EDNRA: variants seen among roughly 807,000 people sequenced by gnomAD.
EDNRA encodes endothelin-1 receptor.
In EDNRA, 11 loss-of-function variants were observed where a neutral mutation model predicts 41.4. The observed-to-expected ratio is 0.27, with a 90% CI of 0.17 to 0.44. The LOEUF (loss-of-function observed/expected upper bound fraction) is 0.44, where lower values mean the gene tolerates loss of function less well. Ranked by LOEUF, EDNRA falls within the 20% of genes least tolerant of loss-of-function variation. The pLI, the probability that EDNRA is intolerant of heterozygous loss-of-function variation, is 1.00. For synonymous variants in EDNRA, 172 were observed against 183.0 expected (o/e 0.94, Z 0.49); for missense variants, 294 against 531.0 (o/e 0.55, Z 4.39).
At chr4:147,501,152 T>C (rs1262741478) in intron 2 of EDNRA, among the ~76,000 whole-genome samples, 2 of 152,248 alleles carry the variant, frequency 1.3e-5, no homozygotes, top group African/African-American at 4.8e-5. Context: ...GAACCGAAGA[T>C]GTCTAATGAA....
At chr4:147,505,327 ATTTTTTT>A (rs869077171) in intron 2 of EDNRA, among the ~76,000 whole-genome samples, 11,523 of 78,928 alleles carry the variant, frequency 0.15, 524 homozygotes, top group South Asian at 0.24. Flanking sequence ...TTCTTTTTTC[ATTTTTTT>A]TTTTTTTTTT....
intron 5 of EDNRA, among the ~76,000 whole-genome samples, chr4:147,536,679 A>C (rs1730932608): frequency 6.6e-6 from 1 of 152,210 alleles, no homozygotes; most frequent in Non-Finnish European, 1.5e-5. Context: ...GTCTAATGTG[A>C]GACTTATGCT....
chr4:147,482,798 C>T (rs1423693493), intron 1 of EDNRA, among the ~76,000 whole-genome samples: 1 of 152,072 alleles, frequency 6.6e-6, no homozygotes, highest in Non-Finnish European at 1.5e-5. Context: ...ATCAGCTAAC[C>T]AAGCAGACCA....
rs72961643 is a variant in EDNRA, at chr4:147,529,600, A to T, written c.549-2906A>T. Among the ~76,000 whole-genome samples the T allele has an allele frequency of 5.3e-3, 806 of 152,210 alleles. 6 individuals carry two copies. The highest frequency in any genetic ancestry group is 0.018 in the African/African-American group (763 of 41,546). Reference sequence around the variant, plus strand: ...GAAGAAAGCATTTCAGAGAGGAGGGATTCTTTCTGGAACAGCAGTTGTCAG... The same window carrying T: ...GAAGAAAGCATTTCAGAGAGGAGGGTTTCTTTCTGGAACAGCAGTTGTCAG... On this transcript the variant is annotated intron_variant, in intron 3 of 7. Coordinates refer to ENST00000651419, the MANE Select transcript of EDNRA (RefSeq NM_001957.4).
Position 147,519,778 on chromosome 4 carries a change from A to G in EDNRA, c.421-73A>G. Reference sequence around the variant, plus strand: ...ATAAAATTTAGAAGTTGGGACGCATAACTAAAACTGTAAGTGCCCACATGC... The same window carrying G: ...ATAAAATTTAGAAGTTGGGACGCATGACTAAAACTGTAAGTGCCCACATGC... On this transcript the variant is annotated intron_variant, in intron 2 of 7. Transcript: ENST00000651419. The surrounding 1 kb of genome is among the most constrained non-coding windows in gnomAD (Gnocchi z 4.1). The G allele has an allele frequency of 2.6e-6, 4 of 1,532,370 alleles. No homozygotes were observed. The allele number at this position is 1,532,370 out of a possible 1,614,324, so 94.9% of individuals were successfully genotyped here.
At chr4:147,482,485 T>G (rs1439586135) in intron 1 of EDNRA, among the ~76,000 whole-genome samples, 1 of 152,234 alleles carries the variant, frequency 6.6e-6, no homozygotes, top group Non-Finnish European at 1.5e-5. Context: ...GAGTGATGAT[T>G]CAAAGCACAG....
intron 5 of EDNRA, among the ~76,000 whole-genome samples, chr4:147,537,175 C>A (rs1234472372): frequency 2.0e-5 from 3 of 152,182 alleles, no homozygotes; most frequent in Admixed American, 6.5e-5. Flanking sequence ...AACTCTTCAA[C>A]TACTATACTG....
chr4:147,527,569 GTTTTA>G (rs1326242652), intron 3 of EDNRA, among the ~76,000 whole-genome samples: 1 of 152,000 alleles, frequency 6.6e-6, no homozygotes, highest in African/African-American at 2.4e-5. Flanking sequence ...TTTTTAATTT[GTTTTA>G]TTTTATAATG....
At chr4:147,538,574 T>G (rs1045654494) in intron 5 of EDNRA, among the ~76,000 whole-genome samples, 3 of 152,210 alleles carry the variant, frequency 2.0e-5, no homozygotes, top group Non-Finnish European at 2.9e-5. Flanking sequence ...TACACTGCTT[T>G]TCTATTTTTC....
At chr4:147,542,414 C>G in intron 7 of EDNRA, 64 bp from the exon 8 acceptor site, 1 of 1,605,870 alleles carries the variant, frequency 6.2e-7, no homozygotes, top group Non-Finnish European at 8.5e-7. Context: ...GGCCCAGGGC[C>G]GCTGTGTTTG....
intron 2 of EDNRA, among the ~76,000 whole-genome samples, chr4:147,509,857 A>G (rs557296644): frequency 1.1e-3 from 170 of 152,238 alleles, no homozygotes; most frequent in Non-Finnish European, 2.1e-3. Context: ...ATTTTATTAT[A>G]TATTGCAATG....
intron 2 of EDNRA, among the ~76,000 whole-genome samples, chr4:147,496,370 T>C (rs1363374267): frequency 6.6e-6 from 1 of 151,800 alleles, no homozygotes; most frequent in Non-Finnish European, 1.5e-5. Flanking sequence ...TCCACAAATT[T>C]TACTTGCTTA....
chr4:147,517,990 T>C lies in EDNRA; in HGVS notation c.421-1861T>C, dbSNP rs908880913. Among the ~76,000 whole-genome samples the C allele has an allele frequency of 3.3e-5, 5 of 152,220 alleles. No homozygotes were observed. The East Asian group carries it at 9.6e-4, about 29-fold the overall frequency. ...CTTTTTCTTTTCTTTCATTGTTAGATGTGTGAATTGGGAAATCCATTCATG... is the reference window on the plus strand; with the variant it reads ...CTTTTTCTTTTCTTTCATTGTTAGACGTGTGAATTGGGAAATCCATTCATG... On this transcript the variant is annotated intron_variant, in intron 2 of 7. Coordinates refer to ENST00000651419, the MANE Select transcript of EDNRA (RefSeq NM_001957.4).
chr4:147,500,516 G>A (rs138043267), intron 2 of EDNRA, among the ~76,000 whole-genome samples: 41 of 152,246 alleles, frequency 2.7e-4, no homozygotes, highest in African/African-American at 9.4e-4. Flanking sequence ...CCATAAGTTC[G>A]AGACTAGCCA....
chr4:147,507,663 A>C (rs1015044744), intron 2 of EDNRA, among the ~76,000 whole-genome samples: 1 of 152,228 alleles, frequency 6.6e-6, no homozygotes, highest in Non-Finnish European at 1.5e-5. Context: ...AATTGCATAG[A>C]GCTAAATGCA....
intron 2 of EDNRA, among the ~76,000 whole-genome samples, chr4:147,498,924 T>A (rs1213344620): frequency 1.3e-5 from 2 of 152,226 alleles, no homozygotes; most frequent in African/African-American, 4.8e-5. Context: ...CCTTTGATAT[T>A]TTTAAGTGCC....
At chr4:147,491,974 G>C (rs1729153758) in intron 2 of EDNRA, 1 of 152,172 alleles carries the variant, frequency 6.6e-6, no homozygotes. Context: ...CTATACTCCA[G>C]CTAACCTGGT....
rs951893858 is a variant in EDNRA, at chr4:147,543,802, T to C, written c.*1184T>C. 4 of 148,814 alleles carry C rather than the reference T, an allele frequency of 2.7e-5. No individual in the cohort carries two copies. Among genetic ancestry groups the C allele is most frequent in the Non-Finnish European group, 4.5e-5 (3 of 67,010 alleles). The allele number at this position is 148,814 out of a possible 1,614,324, so 9.2% of individuals were successfully genotyped here. A position where few individuals can be genotyped will look rare whatever the true frequency, so the allele number is the denominator to read the frequency against. ...GTTTATCATGTCAGTGAAAAATAAT[T>C]ACCCACAAATGCCACCAGAACTTAC... On this transcript the variant is annotated 3_prime_UTR_variant, in exon 8 of 8. Coordinates refer to ENST00000651419, the MANE Select transcript of EDNRA (RefSeq NM_001957.4).
In EDNRA at chr4:147,505,326, C is replaced by CTTTTTTTTTTTT. The variant is rs1729660192; in HGVS notation, c.421-14525_421-14524insTTTTTTTTTTTT. Among the ~76,000 whole-genome samples the CTTTTTTTTTTTT allele has an allele frequency of 1.8e-4, 15 of 81,984 alleles. 1 individual carries two copies. Among genetic ancestry groups the CTTTTTTTTTTTT allele is most frequent in the African/African-American group, 7.6e-4 (14 of 18,398 alleles). The allele number at this position is 81,984 out of a possible 152,430, so 53.8% of individuals were successfully genotyped here. On this transcript the variant is annotated intron_variant, in intron 2 of 7. Coordinates refer to ENST00000651419, the MANE Select transcript of EDNRA (RefSeq NM_001957.4). ...AAGAGAGTTTGGCAGTTTCTTTTTT[C>CTTTTTTTTTTTT]ATTTTTTTTTTTTTTTTTTTTTTTT...
Sources: allele counts gnomAD v4.1 joint callset (sites outside exome capture counted in the v4.1 genomes callset), GRCh38; gene constraint gnomAD v4.1.1; non-coding constraint Gnocchi (gnomAD v3.1); transcripts MANE v1.5; gene names NCBI Gene and HGNC (gene_info 2026-07-23, HGNC 2026-07-21).